The following KLHL5 variants were observed in gnomAD, a reference collection of about 807,000 sequenced individuals.
KLHL5 encodes kelch like family member 5, also known as kelch-like protein 5.
A neutral mutation model predicts 77.7 loss-of-function variants in KLHL5; 48 were observed. That is an observed-to-expected ratio of 0.62 (90% confidence interval 0.49 to 0.79). The LOEUF (loss-of-function observed/expected upper bound fraction) is 0.79. KLHL5 is among the 30% of genes least tolerant of loss of function. The pLI is 0.00. For missense variants in KLHL5, 723 were observed against 859.7 expected (o/e 0.84, Z 1.99); for synonymous variants, 260 against 297.0 (o/e 0.88, Z 1.28).
At chr4:39,077,916 T>C (rs929207500) in intron 2 of KLHL5, among the ~76,000 whole-genome samples, 5 of 152,110 alleles carry the variant, frequency 3.3e-5, no homozygotes, top group African/African-American at 9.7e-5. Flanking sequence ...AAATGTGGTG[T>C]ATACATATAT....
At chr4:39,069,404 T>A (rs1216653833) in intron 1 of KLHL5, among the ~76,000 whole-genome samples, 1 of 148,264 alleles carries the variant, frequency 6.7e-6, no homozygotes, top group African/African-American at 2.5e-5. Context: ...ATCTAATTTT[T>A]AAGTGAATTT....
At chr4:39,138,968 A>G in the KLHL5 span, among the ~76,000 whole-genome samples, 22 of 152,304 alleles carry the variant, frequency 1.4e-4, no homozygotes, top group Non-Finnish European at 2.4e-4. Flanking sequence ...TGCAGACATC[A>G]CCTTAATTAA....
intron 1 of KLHL5, among the ~76,000 whole-genome samples, chr4:39,068,437 C>CTGTGTGTG (rs71192818): frequency 0.14 from 21,368 of 147,820 alleles, 1,927 homozygotes; most frequent in South Asian, 0.28. Flanking sequence ...CCAGAAAACA[C>CTGTGTGTG]TGTGTGTGTG....
chr4:39,046,101 A>G (rs138745222), intron 1 of KLHL5, among the ~76,000 whole-genome samples: 4 of 147,994 alleles, frequency 2.7e-5, no homozygotes, highest in East Asian at 4.0e-4. Flanking sequence ...TGTATGTCCT[A>G]TTGGCTTGTT....
Position 39,081,164 on chromosome 4 carries a change from G to A in KLHL5, c.628G>A (p.Ala210Thr). 6.2e-7 allele frequency: 1 copy of A among 1,612,490 alleles called. No individual in the cohort carries two copies. The highest frequency in any genetic ancestry group is 8.5e-7 in the Non-Finnish European group (1 of 1,179,302). The change falls in exon 3 of 11, where the codon GCA (alanine) becomes ACA (threonine). Residue 210 changes from alanine (A) to threonine (T), a missense_variant. Coordinates refer to ENST00000504108, the MANE Select transcript of KLHL5 (RefSeq NM_015990.5). This position sits in a 1 kb window ranked among gnomAD's most constrained non-coding sequence, Gnocchi z 4.3. ...CATGTTTACTAATGATGTCAGAGAGGCAAGACAAGAAGAAATAAAAATGGA... is the reference window on the plus strand; with the variant it reads ...CATGTTTACTAATGATGTCAGAGAGACAAGACAAGAAGAAATAAAAATGGA... ...AAMFTNDVREARQEEIKMEGV... is the reference protein window; with the variant it reads ...AAMFTNDVRETRQEEIKMEGV...
chr4:39,101,619 G>A (rs905545693), intron 6 of KLHL5, among the ~76,000 whole-genome samples: 2 of 151,918 alleles, frequency 1.3e-5, no homozygotes, highest in South Asian at 2.1e-4. Context: ...AGGCCAAGGC[G>A]GGAGGATCAC....
At chr4:39,054,786 G>A (rs547835395) in intron 1 of KLHL5, among the ~76,000 whole-genome samples, 1 of 152,328 alleles carries the variant, frequency 6.6e-6, no homozygotes, top group South Asian at 2.1e-4. Context: ...CTCTTCTGCT[G>A]TAAAATGTAC....
At chr4:39,107,371 A>G (rs1242526674) in intron 7 of KLHL5, among the ~76,000 whole-genome samples, 198 bp from the exon 8 acceptor site, 1 of 151,970 alleles carries the variant, frequency 6.6e-6, no homozygotes, top group Non-Finnish European at 1.5e-5. Flanking sequence ...TTTAAACCAG[A>G]ACTACCGTGC....
chr4:39,052,012 A>G (rs1048396500), intron 1 of KLHL5, among the ~76,000 whole-genome samples: 1 of 152,066 alleles, frequency 6.6e-6, no homozygotes, highest in Admixed American at 6.5e-5. Flanking sequence ...CTGAAGCTTA[A>G]CTCTACTCAT....
chr4:39,081,060 T>C lies in KLHL5; in HGVS notation c.567-43T>C. On this transcript the variant is annotated intron_variant, in intron 2 of 10. Coordinates refer to ENST00000504108, the MANE Select transcript of KLHL5 (RefSeq NM_015990.5). The surrounding 1 kb of genome is among the most constrained non-coding windows in gnomAD (Gnocchi z 4.3). ...GCAGCATTTATTAATGAACATCAAC[T>C]CGAATGTGGTCATTGATTTTTTTTT... 1 of 1,565,372 alleles carries C rather than the reference T, an allele frequency of 6.4e-7. No individual in the cohort carries two copies. Among genetic ancestry groups the C allele is most frequent in the Non-Finnish European group, 8.6e-7 (1 of 1,156,538 alleles).
chr4:39,098,673 C>T (rs1429058789), intron 6 of KLHL5, among the ~76,000 whole-genome samples: 1 of 151,892 alleles, frequency 6.6e-6, no homozygotes. Context: ...ACACCATTCT[C>T]CTGCCTCAGC....
At chr4:39,052,777 T>C (rs1054063609) in intron 1 of KLHL5, among the ~76,000 whole-genome samples, 1 of 152,224 alleles carries the variant, frequency 6.6e-6, no homozygotes, top group East Asian at 1.9e-4. Flanking sequence ...GAGTTTAGAA[T>C]TGATGGCCTG....
In KLHL5 at chr4:39,122,662, A is replaced by T. The variant is rs909049971; in HGVS notation, c.*1596A>T. On this transcript the variant is annotated 3_prime_UTR_variant, in exon 11 of 11. Coordinates refer to ENST00000504108, the MANE Select transcript of KLHL5 (RefSeq NM_015990.5). ...CTACTAAAAATAAAAAATAAAAAAA[A>T]ATTAGCCAGGCGTGGTGGCGGGTGC... Among the ~76,000 whole-genome samples the T allele has an allele frequency of 4.6e-5, 7 of 151,958 alleles. No individual in the cohort carries two copies. The highest frequency in any genetic ancestry group is 1.5e-4 in the African/African-American group (6 of 41,360).
At chr4:39,098,214 A>T (rs184513869) in intron 6 of KLHL5, among the ~76,000 whole-genome samples, 107 of 151,990 alleles carry the variant, frequency 7.0e-4, no homozygotes, top group South Asian at 2.5e-3. Flanking sequence ...TGAGGAAGAT[A>T]CACTGAGTAT....
chr4:39,051,370 GAA>G (rs34674968), intron 1 of KLHL5, among the ~76,000 whole-genome samples: 41 of 142,428 alleles, frequency 2.9e-4, no homozygotes, highest in South Asian at 6.6e-4. Flanking sequence ...GGATTTCCCA[GAA>G]AAAAAAAAAA....
Position 39,123,529 on chromosome 4 carries a change from A to G in KLHL5, c.*2463A>G, listed in dbSNP as rs1723345212. Among the ~76,000 whole-genome samples the G allele has an allele frequency of 6.6e-6, 1 of 152,224 alleles. No homozygotes were observed. On this transcript the variant is annotated 3_prime_UTR_variant, in exon 11 of 11. Transcript: ENST00000504108. ...ACAGCATGACCAAGTGAGATTTATC[A>G]AAGAAATGCAGGGATGGTTCTACAT...
intron 1 of KLHL5, among the ~76,000 whole-genome samples, chr4:39,047,861 G>A (rs1716315812): frequency 6.6e-6 from 1 of 152,196 alleles, no homozygotes; most frequent in African/African-American, 2.4e-5. Flanking sequence ...AGAGAACACA[G>A]TACAGAGTGG....
At chr4:39,103,684 G>A (rs994834762) in intron 7 of KLHL5, among the ~76,000 whole-genome samples, 173 bp downstream of exon 7, 22 of 152,180 alleles carry the variant, frequency 1.4e-4, no homozygotes, top group African/African-American at 5.3e-4. Context: ...GATGAGGCCG[G>A]ATGCAGTGGC....
Position 39,124,802 on chromosome 4 carries a change from C to CAAAAAAAAAAAAAAAAAAAAAAAAAAAA in KLHL5, c.*3760_*3761insAAAAAAAAAAAAAAAAAAAAAAAAAAAA, listed in dbSNP as rs71643268. On this transcript the variant is annotated 3_prime_UTR_variant, in exon 11 of 11. Transcript: ENST00000504108. ...GCACCAAAAGCACAAGCAACAACAG[C>CAAAAAAAAAAAAAAAAAAAAAAAAAAAA]AAAAAAAAAAAAAAAAAAAAAAAAT... is the stretch of plus-strand genomic sequence containing the variant. 4.3e-4 allele frequency among the ~76,000 whole-genome samples: 19 copies of CAAAAAAAAAAAAAAAAAAAAAAAAAAAA among 44,118 alleles called. 1 individual carries two copies. Among genetic ancestry groups the CAAAAAAAAAAAAAAAAAAAAAAAAAAAA allele is most frequent in the African/African-American group, 7.4e-4 (10 of 13,558 alleles). The allele number at this position is 44,118 out of a possible 152,430, so 28.9% of individuals were successfully genotyped here.
Sources: allele counts gnomAD v4.1 joint callset (sites outside exome capture counted in the v4.1 genomes callset), GRCh38; gene constraint gnomAD v4.1.1; non-coding constraint Gnocchi (gnomAD v3.1); transcripts MANE v1.5; gene names NCBI Gene and HGNC (gene_info 2026-07-23, HGNC 2026-07-21).